HTATIP2: variants seen among roughly 807,000 people sequenced by gnomAD.
The protein encoded by HTATIP2 is HIV-1 Tat interactive protein 2.
HTATIP2 carries 26 observed loss-of-function variants against 24.7 expected under a neutral mutation model. The observed-to-expected ratio is 1.05, with a 90% confidence interval of 0.77 to 1.46. The LOEUF is 1.46. Ranked by LOEUF, HTATIP2 falls within the 40% of genes most tolerant of loss-of-function variation. The probability of loss-of-function intolerance (pLI) is 0.00; values close to 1 mark genes in which losing one functional copy is unlikely to be tolerated. For missense variants in HTATIP2, 284 were observed against 289.6 expected, an observed-to-expected ratio of 0.98 and a Z score of 0.14; for synonymous variants, 99 against 113.2, an observed-to-expected ratio of 0.87 and a Z score of 0.79.
intron 3 of HTATIP2, among the ~76,000 whole-genome samples, chr11:20,379,075 CAACAACAAA>C (rs1848484623): frequency 6.6e-6 from 1 of 151,460 alleles, no homozygotes; most frequent in Non-Finnish European, 1.5e-5. Context: ...ACAACAACAA[CAACAACAAA>C]AACACCAGCT....
intron 2 of HTATIP2, among the ~76,000 whole-genome samples, chr11:20,372,124 A>C (rs950955043): frequency 3.3e-5 from 5 of 152,098 alleles, no homozygotes; most frequent in African/African-American, 1.2e-4. Context: ...TAAATTAATT[A>C]ATTTTTTAGA....
chr11:20,382,892 G>A, intron 4 of HTATIP2, 88 bp from the exon 5 acceptor site: 1 of 895,586 alleles, frequency 1.1e-6, no homozygotes, highest in Non-Finnish European at 1.7e-6. Context: ...AGGGGATACA[G>A]TTTTGTCCGT....
intron 2 of HTATIP2, among the ~76,000 whole-genome samples, chr11:20,372,549 T>G (rs2064782778): frequency 1.3e-5 from 2 of 152,130 alleles, no homozygotes; most frequent in South Asian, 4.1e-4. Context: ...CTTATTTAAT[T>G]AATTCCTTTT....
rs1270869199 is a variant in HTATIP2, at chr11:20,382,982, T to C, written c.506T>C (p.Val169Ala). 6 of 1,607,080 alleles carry C rather than the reference T, an allele frequency of 3.7e-6. No homozygotes were observed. The highest frequency in any genetic ancestry group is 4.2e-6 in the Non-Finnish European group (5 of 1,176,842). Residue 169 changes from valine (V) to alanine (A), a missense_variant and splice_region_variant, in exon 5 of 5, where the codon GTT (valine) becomes GCT (alanine). Physicochemically the swap from Val to Ala is moderately conservative, Grantham distance 64 (BLOSUM62 0). Coordinates refer to ENST00000451739, the MANE Select transcript of HTATIP2 (RefSeq NM_001098522.2). ...FDRYSVFRPG[V>A]LLCDRQESRP... ...TTTTTTTTTTTTTTTTATTTTAGAG[T>C]TCTGTTATGTGATAGGCAAGAATCT... is the stretch of plus-strand genomic sequence containing the variant.
At chr11:20,367,434 A>G (rs2064723530) in intron 2 of HTATIP2, 153 bp downstream of exon 2, 2 of 1,527,090 alleles carry the variant, frequency 1.3e-6, no homozygotes, top group Non-Finnish European at 1.8e-6. Context: ...AACCTTTGGT[A>G]TCCTTTTAAT....
At chr11:20,378,398 G>T (rs1277540914) in intron 3 of HTATIP2, among the ~76,000 whole-genome samples, 1 of 151,990 alleles carries the variant, frequency 6.6e-6, no homozygotes, top group Non-Finnish European at 1.5e-5. Context: ...CAGATTCCTG[G>T]GCTCAAACAA....
At chr11:20,375,866 C>T (rs1793748996) in intron 2 of HTATIP2, among the ~76,000 whole-genome samples, 1 of 152,060 alleles carries the variant, frequency 6.6e-6, no homozygotes, top group South Asian at 2.1e-4. Context: ...CCACTTAGTT[C>T]TGTTTGTTTC....
chr11:20,374,495 G>GC (rs781170168), intron 2 of HTATIP2, among the ~76,000 whole-genome samples: 12 of 152,140 alleles, frequency 7.9e-5, no homozygotes, highest in Non-Finnish European at 1.2e-4. Context: ...GCTTCTAGAG[G>GC]CCACCCCCAT....
intron 1 of HTATIP2, among the ~76,000 whole-genome samples, chr11:20,365,026 C>T (rs895794625): frequency 2.0e-5 from 3 of 151,112 alleles, no homozygotes; most frequent in Non-Finnish European, 1.5e-5. Flanking sequence ...CTCTGTCCCC[C>T]AGGCTGGAGT....
rs199622189 is a variant in HTATIP2 at position 20,364,452 on chromosome 11, C to T, written c.195+20C>T. The T allele has an allele frequency of 5.7e-5, 89 of 1,573,140 alleles. No homozygotes were observed. The highest frequency in any genetic ancestry group is 3.7e-4 in the South Asian group (33 of 88,676). The stretch of plus-strand genomic sequence containing the variant: ...AATGTGGTGGGTATTTCAGCTGGGA[C>T]TCAAATGGACCCCCAGGATTCTGCG... On this transcript the variant is annotated intron_variant, in intron 1 of 4. Coordinates refer to ENST00000451739, the MANE Select transcript of HTATIP2 (RefSeq NM_001098522.2).
At chr11:20,370,673 G>A (rs553484003) in intron 2 of HTATIP2, among the ~76,000 whole-genome samples, 7 of 151,884 alleles carry the variant, frequency 4.6e-5, no homozygotes, top group South Asian at 2.1e-4. Context: ...TTTTTGAGAC[G>A]GAGTCTCGCT....
chr11:20,376,662 T>C lies in HTATIP2; in HGVS notation c.386T>C (p.Leu129Ser). The C allele has an allele frequency of 5.0e-6, 8 of 1,613,898 alleles. No individual in the cohort carries two copies. Among genetic ancestry groups the C allele is most frequent in the Non-Finnish European group, 5.9e-6 (7 of 1,179,788 alleles). The change falls in exon 3 of 5, where the codon TTG becomes TCG. Residue 129 changes from leucine (L) to serine (S), a missense_variant. Coordinates refer to ENST00000451739, the MANE Select transcript of HTATIP2 (RefSeq NM_001098522.2). ...AKAGGCKHFN[L>S]LSSKGADKSS... The stretch of plus-strand genomic sequence containing the variant: ...GCTGGAGGGTGCAAACATTTCAACT[T>C]GCTATCCTCTAAAGGAGCTGATAAA...
At chr11:20,373,995 T>C (rs1419004468) in intron 2 of HTATIP2, among the ~76,000 whole-genome samples, 1 of 152,110 alleles carries the variant, frequency 6.6e-6, no homozygotes, top group Non-Finnish European at 1.5e-5. Context: ...CAAAAGGAGA[T>C]GGTGATGACT....
intron 3 of HTATIP2, among the ~76,000 whole-genome samples, chr11:20,377,129 C>CTTTTTTTT (rs11441867): frequency 6.9e-6 from 1 of 144,238 alleles, no homozygotes. Context: ...ACTTTCTTTT[C>CTTTTTTTT]TTTTTTTTTT....
intron 3 of HTATIP2, among the ~76,000 whole-genome samples, chr11:20,379,562 AATTGC>A (rs796928125): frequency 3.1e-4 from 47 of 152,274 alleles, no homozygotes; most frequent in African/African-American, 1.1e-3. Context: ...ATGAAGTTTC[AATTGC>A]ATTCATTCAT....
chr11:20,383,160 G>C lies in HTATIP2; in HGVS notation c.684G>C (p.Lys228Asn). 6.2e-7 allele frequency: 1 copy of C among 1,613,948 alleles called. No homozygotes were observed. Among genetic ancestry groups the C allele is most frequent in the Non-Finnish European group, 8.5e-7 (1 of 1,179,970 alleles). Residue 228 changes from lysine (K) to asparagine (N), a missense_variant, in exon 5 of 5, where the codon AAG (lysine) becomes AAC (asparagine). Physicochemically the swap from Lys to Asn is moderately conservative, Grantham distance 94. Transcript: ENST00000451739. The part of the protein sequence containing the change: ...RDKQMELLEN[K>N]AIHDLGKAHG... ...AGCAGATGGAACTGCTGGAGAACAAGGCCATCCATGACCTGGGGAAAGCGC... is the reference window on the plus strand; with the variant it reads ...AGCAGATGGAACTGCTGGAGAACAACGCCATCCATGACCTGGGGAAAGCGC...
intron 1 of HTATIP2, among the ~76,000 whole-genome samples, chr11:20,365,652 G>T (rs1313796216): frequency 2.0e-5 from 3 of 152,144 alleles, no homozygotes; most frequent in Non-Finnish European, 4.4e-5. Context: ...TTCATGGGCT[G>T]TGTCAGATAT....
At chr11:20,371,079 T>C (rs955738857) in intron 2 of HTATIP2, among the ~76,000 whole-genome samples, 2 of 152,260 alleles carry the variant, frequency 1.3e-5, no homozygotes, top group African/African-American at 4.8e-5. Context: ...TTATGTATTA[T>C]CTGTGGCTGC....
At chr11:20,367,926 T>C (rs540412995) in intron 2 of HTATIP2, among the ~76,000 whole-genome samples, 1 of 152,330 alleles carries the variant, frequency 6.6e-6, no homozygotes, top group African/African-American at 2.4e-5. Flanking sequence ...CAGAGTTTAC[T>C]ACCTGGATTC....
Sources: gnomAD v4.1 joint callset for allele counts (sites outside exome capture counted in the v4.1 genomes callset) on GRCh38, gnomAD v4.1.1 for gene constraint, MANE v1.5 for transcripts, NCBI Gene and HGNC (gene_info 2026-07-23, HGNC 2026-07-21) for gene names.